GRXCR2: variants seen among roughly 807,000 people sequenced by gnomAD.
GRXCR2 encodes the protein glutaredoxin and cysteine rich domain containing 2.
A neutral mutation model predicts 24.8 loss-of-function variants in GRXCR2; 23 were observed. The ratio of observed to expected loss-of-function variants is 0.93; its 90% CI spans 0.67 to 1.32. The LOEUF is 1.32. GRXCR2 is among the 40% of genes most tolerant of loss of function. The probability of loss-of-function intolerance (pLI) is 0.00; values close to 1 mark genes in which losing one functional copy is unlikely to be tolerated. For missense variants in GRXCR2, 315 were observed against 303.4 expected, an observed-to-expected ratio of 1.04 and a Z score of -0.28; for synonymous variants, 130 against 116.1, an observed-to-expected ratio of 1.12 and a Z score of -0.77.
chr5:145,872,573 C>G (rs1174423375), intron 1 of GRXCR2, 60 bp downstream of exon 1: 1 of 1,417,466 alleles, frequency 7.1e-7, no homozygotes, highest in Non-Finnish European at 9.5e-7. Context: ...TTAGGAGTTT[C>G]TCTAAACACG....
intron 2 of GRXCR2, among the ~76,000 whole-genome samples, chr5:145,907,368 A>C (rs1465248023): frequency 6.6e-6 from 1 of 152,082 alleles, no homozygotes; most frequent in African/African-American, 2.4e-5. Context: ...ATCTCTACTA[A>C]AAATACAAAA....
chr5:145,868,961 C>A (rs1018164317), intron 1 of GRXCR2, among the ~76,000 whole-genome samples: 1 of 152,150 alleles, frequency 6.6e-6, no homozygotes, highest in African/African-American at 2.4e-5. Flanking sequence ...GATAGAGGGC[C>A]AGGAAAAAGC....
At chr5:145,906,282 C>T (rs2149924002) in intron 2 of GRXCR2, among the ~76,000 whole-genome samples, 1 of 152,004 alleles carries the variant, frequency 6.6e-6, no homozygotes, top group Non-Finnish European at 1.5e-5. Flanking sequence ...GGGATTGGTC[C>T]AGGGATGGGC....
At chr5:145,887,652 C>T (rs771714992) in intron 2 of GRXCR2, among the ~76,000 whole-genome samples, 3 of 152,144 alleles carry the variant, frequency 2.0e-5, no homozygotes, top group Non-Finnish European at 2.9e-5. Context: ...AGCTGTTTCT[C>T]TATTTATTTT....
chr5:145,906,182 G>T (rs1362816040), intron 2 of GRXCR2, among the ~76,000 whole-genome samples: 1 of 152,068 alleles, frequency 6.6e-6, no homozygotes, highest in African/African-American at 2.4e-5. Flanking sequence ...GAGTGTGGGT[G>T]GGCCTGATAC....
chr5:145,907,508 G>C (rs897182053), intron 2 of GRXCR2, among the ~76,000 whole-genome samples: 15 of 151,432 alleles, frequency 9.9e-5, no homozygotes, highest in Non-Finnish European at 1.8e-4. Flanking sequence ...CAGTCTGAGC[G>C]ATGGAGTGAG....
intron 2 of GRXCR2, among the ~76,000 whole-genome samples, chr5:145,911,574 G>T (rs1173847180): frequency 2.0e-5 from 3 of 152,228 alleles, no homozygotes; most frequent in African/African-American, 7.2e-5. Context: ...CAAGACAGAT[G>T]AACTTGAGTC....
intron 2 of GRXCR2, among the ~76,000 whole-genome samples, chr5:145,919,580 G>A (rs1010643490): frequency 4.6e-5 from 7 of 152,184 alleles, no homozygotes; most frequent in African/African-American, 1.2e-4. Context: ...GAGAAACAAT[G>A]ACAAAGAAGG....
intron 2 of GRXCR2, among the ~76,000 whole-genome samples, chr5:145,860,707 T>C (rs1005012438): frequency 6.6e-6 from 1 of 152,142 alleles, no homozygotes; most frequent in Admixed American, 6.5e-5. Flanking sequence ...GTTAATAGAC[T>C]AGGACTGAGG....
At chr5:145,905,069 G>A (rs1007006024) in intron 2 of GRXCR2, among the ~76,000 whole-genome samples, 2 of 152,184 alleles carry the variant, frequency 1.3e-5, no homozygotes, top group Non-Finnish European at 2.9e-5. Context: ...GAGCCACTGA[G>A]GGAGGGAACG....
chr5:145,918,947 T>C (rs773839835), intron 2 of GRXCR2, among the ~76,000 whole-genome samples: 22 of 152,138 alleles, frequency 1.4e-4, no homozygotes, highest in Non-Finnish European at 3.1e-4. Context: ...TGTGAGCCCC[T>C]CCCCAAATGC....
intron 2 of GRXCR2, 46 bp downstream of exon 2, chr5:145,866,455 G>A (rs374097883): frequency 7.1e-7 from 1 of 1,404,264 alleles, no homozygotes; most frequent in African/African-American, 1.4e-5. Flanking sequence ...GGAGACCATT[G>A]CTGTAGGGCC....
intron 2 of GRXCR2, among the ~76,000 whole-genome samples, chr5:145,919,970 C>T (rs748865023): frequency 1.3e-5 from 2 of 152,068 alleles, no homozygotes; most frequent in African/African-American, 2.4e-5. Context: ...ACATTGAAAC[C>T]GAGGCACCCA....
intron 2 of GRXCR2, among the ~76,000 whole-genome samples, chr5:145,914,021 AGCT>A (rs1486303791): frequency 6.6e-6 from 1 of 152,184 alleles, no homozygotes; most frequent in Non-Finnish European, 1.5e-5. Context: ...TTTGTTACAA[AGCT>A]GGTGGAGCTG....
chr5:145,888,840 T>C (rs1442650820), intron 2 of GRXCR2, among the ~76,000 whole-genome samples: 2 of 152,132 alleles, frequency 1.3e-5, no homozygotes, highest in African/African-American at 4.8e-5. Flanking sequence ...ACTTCATTTT[T>C]CCTTTTATTG....
chr5:145,930,229 C>T (rs1330810397), intron 2 of GRXCR2, among the ~76,000 whole-genome samples: 1 of 152,142 alleles, frequency 6.6e-6, no homozygotes, highest in African/African-American at 2.4e-5. Flanking sequence ...GGATTACAGG[C>T]ATGTGCCACC....
At chr5:145,919,998 C>T (rs1016816279) in intron 2 of GRXCR2, among the ~76,000 whole-genome samples, 1 of 152,188 alleles carries the variant, frequency 6.6e-6, no homozygotes, top group Non-Finnish European at 1.5e-5. Flanking sequence ...GATTCCTGTA[C>T]TTGGGTCACT....
chr5:145,885,597 G>T (rs1756769191), intron 2 of GRXCR2, among the ~76,000 whole-genome samples: 1 of 152,196 alleles, frequency 6.6e-6, no homozygotes, highest in Non-Finnish European at 1.5e-5. Flanking sequence ...TATAAGTTTG[G>T]AAAATGCTGA....
At chr5:145,894,842 C>T (rs1581345437) in intron 2 of GRXCR2, among the ~76,000 whole-genome samples, 1 of 151,944 alleles carries the variant, frequency 6.6e-6, no homozygotes, top group Non-Finnish European at 1.5e-5. Context: ...AAAAAGAGAA[C>T]TTTAGACCAA....
Sources: allele counts gnomAD v4.1 joint callset (sites outside exome capture counted in the v4.1 genomes callset), GRCh38; gene constraint gnomAD v4.1.1; transcripts MANE v1.5; gene names NCBI Gene and HGNC (gene_info 2026-07-23, HGNC 2026-07-21).